The following MYO3B variants were observed in gnomAD, a reference collection of about 807,000 sequenced individuals.
MYO3B encodes the protein myosin IIIB.
Under a neutral mutation model 174.6 loss-of-function variants are expected in MYO3B, and 156 were observed. That is an observed-to-expected ratio of 0.89 (90% confidence interval 0.78 to 1.02). The LOEUF is 1.02. Ranked by LOEUF, MYO3B falls within the 50% of genes least tolerant of loss-of-function variation. The pLI, the probability that MYO3B is intolerant of heterozygous loss-of-function variation, is 0.00. For synonymous variants in MYO3B, 563 were observed against 569.1 expected (o/e 0.99, Z 0.15); for missense variants, 1,632 against 1,639.4 (o/e 1.00, Z 0.08).
At chr2:170,525,243 A>T (rs1344882006) in intron 30 of MYO3B, among the ~76,000 whole-genome samples, 1 of 152,208 alleles carries the variant, frequency 6.6e-6, no homozygotes, top group Admixed American at 6.5e-5. Flanking sequence ...AGTTGAAAGT[A>T]AAAGTGAGTG....
chr2:170,404,219 G>A (rs748937423), intron 19 of MYO3B, 28 bp from the exon 20 acceptor site: 5 of 1,575,384 alleles, frequency 3.2e-6, no homozygotes, highest in African/African-American at 1.4e-5. Flanking sequence ...TTTTGGGCTG[G>A]AGAGAATCAC....
chr2:170,433,009 C>T (rs758374713), intron 22 of MYO3B, among the ~76,000 whole-genome samples: 4 of 152,164 alleles, frequency 2.6e-5, no homozygotes, highest in Non-Finnish European at 2.9e-5. Flanking sequence ...CACATTCACA[C>T]ATCACTCACT....
intron 7 of MYO3B, among the ~76,000 whole-genome samples, chr2:170,249,143 CAG>C (rs894478783): frequency 2.8e-4 from 43 of 152,338 alleles, no homozygotes; most frequent in African/African-American, 1.0e-3. Flanking sequence ...GGTTTCCACT[CAG>C]AGGAAGGGAG....
rs372867503 is a variant in MYO3B at position 170,274,264 on chromosome 2, C to T, written c.749+38128C>T. Among the ~76,000 whole-genome samples, 31 of 152,206 alleles carry T rather than the reference C, an allele frequency of 2.0e-4. 1 individual carries two copies. The East Asian group carries it at 5.4e-3, about 27-fold the overall frequency. On this transcript the variant is annotated intron_variant, in intron 7 of 34. Coordinates refer to ENST00000408978, the MANE Select transcript of MYO3B (RefSeq NM_138995.5). ...TCCAGGGATTAATCCAAATTTCCAG[C>T]CTTTTTTCTTTTCTCTTCCTAGCTT...
At chr2:170,519,654 T>G in intron 30 of MYO3B, 114 bp downstream of exon 30, 4 of 944,608 alleles carry the variant, frequency 4.2e-6, no homozygotes, top group Non-Finnish European at 6.4e-6. Context: ...GGTATTTTGG[T>G]GAACTGGAGA....
At chr2:170,572,259 C>T (rs1410323618) in intron 32 of MYO3B, among the ~76,000 whole-genome samples, 1 of 152,146 alleles carries the variant, frequency 6.6e-6, no homozygotes, top group East Asian at 1.9e-4. Context: ...GAAACCCCGT[C>T]TCTACTAAAA....
At chr2:170,405,015 C>A (rs1233783890) in intron 20 of MYO3B, among the ~76,000 whole-genome samples, 1 of 152,162 alleles carries the variant, frequency 6.6e-6, no homozygotes, top group Non-Finnish European at 1.5e-5. Flanking sequence ...GGCAATGAAG[C>A]CTCAGTCTTT....
chr2:170,353,333 A>G (rs911980914), intron 8 of MYO3B, among the ~76,000 whole-genome samples: 7 of 151,960 alleles, frequency 4.6e-5, no homozygotes, highest in Admixed American at 1.3e-4. Context: ...TAGGATTCCA[A>G]TTACGTGACA....
intron 16 of MYO3B, among the ~76,000 whole-genome samples, chr2:170,397,762 C>T (rs1375558182): frequency 2.0e-5 from 3 of 152,154 alleles, no homozygotes; most frequent in Non-Finnish European, 4.4e-5. Context: ...CTCAGTCCCA[C>T]AAGACTACTC....
chr2:170,612,939 A>G (rs1001220339), intron 32 of MYO3B, among the ~76,000 whole-genome samples: 3 of 152,120 alleles, frequency 2.0e-5, no homozygotes, highest in African/African-American at 7.2e-5. Context: ...TGGGTGCATC[A>G]GAAGCAATCT....
intron 8 of MYO3B, among the ~76,000 whole-genome samples, chr2:170,360,694 A>T (rs1424365141): frequency 6.6e-6 from 1 of 152,228 alleles, no homozygotes; most frequent in Non-Finnish European, 1.5e-5. Flanking sequence ...AGAGGTCGTT[A>T]GGTCATGAGA....
At chr2:170,441,558 A>C (rs946415220) in intron 22 of MYO3B, among the ~76,000 whole-genome samples, 1 of 152,240 alleles carries the variant, frequency 6.6e-6, no homozygotes, top group African/African-American at 2.4e-5. Context: ...AGCAGCCCCA[A>C]GGGCTGCTGG....
intron 30 of MYO3B, chr2:170,519,960 A>G (rs1688568693): frequency 4.3e-5 from 6 of 139,502 alleles, no homozygotes; most frequent in African/African-American, 1.7e-4. Flanking sequence ...GCAACACAGC[A>G]AGACTCTGTC....
chr2:170,375,626 C>T (rs1446894258), intron 9 of MYO3B, among the ~76,000 whole-genome samples: 1 of 151,732 alleles, frequency 6.6e-6, no homozygotes, highest in Non-Finnish European at 1.5e-5. Context: ...CAGCAATGAC[C>T]TTTAAAAACA....
chr2:170,551,627 G>A (rs1690924934), intron 32 of MYO3B, among the ~76,000 whole-genome samples: 1 of 100,048 alleles, frequency 1.0e-5, no homozygotes, highest in Non-Finnish European at 2.1e-5. Flanking sequence ...TGAGGACAAA[G>A]GGATGGAAGA....
chr2:170,470,102 CAAAAAAAAAAA>C (rs34472083), intron 25 of MYO3B, among the ~76,000 whole-genome samples: 8 of 46,364 alleles, frequency 1.7e-4, no homozygotes, highest in African/African-American at 4.9e-4. Flanking sequence ...AACTCCGTCT[CAAAAAAAAAAA>C]AAAAAAAAAA....
chr2:170,642,057 C>T (rs1037633586), intron 32 of MYO3B, among the ~76,000 whole-genome samples: 2 of 152,024 alleles, frequency 1.3e-5, no homozygotes, highest in African/African-American at 4.8e-5. Context: ...CAGAGGTATC[C>T]CAGGATACGA....
intron 30 of MYO3B, among the ~76,000 whole-genome samples, chr2:170,541,874 A>G (rs1690135035): frequency 6.6e-6 from 1 of 152,204 alleles, no homozygotes; most frequent in African/African-American, 2.4e-5. Flanking sequence ...CCTTCCAGGT[A>G]CTGATGTGGT....
Position 170,500,811 on chromosome 2 carries a change from C to T in MYO3B, c.3290-974C>T, listed in dbSNP as rs369832541. ...GCCATTTCCAGAAGGCTTTTCTAGTCCAGATGGAACTTATAAACCAAGGGA... is the reference window on the plus strand; with the variant it reads ...GCCATTTCCAGAAGGCTTTTCTAGTTCAGATGGAACTTATAAACCAAGGGA... On this transcript the variant is annotated intron_variant, in intron 27 of 34. Transcript: ENST00000408978. Among the ~76,000 whole-genome samples, 12 of 152,304 alleles carry T rather than the reference C, an allele frequency of 7.9e-5. 1 individual carries two copies. The East Asian group carries it at 1.7e-3, about 22-fold the overall frequency.
Sources: allele counts gnomAD v4.1 joint callset (sites outside exome capture counted in the v4.1 genomes callset), GRCh38; gene constraint gnomAD v4.1.1; transcripts MANE v1.5; gene names NCBI Gene and HGNC (gene_info 2026-07-23, HGNC 2026-07-21).